The following DRC11 variants were observed in gnomAD, a reference collection of about 807,000 sequenced individuals.
The protein encoded by DRC11 is IQ and AAA domain-containing protein 1.
At chr2:236,391,789 A>G in the DRC11 span, among the ~76,000 whole-genome samples, 2 of 152,156 alleles carry the variant, frequency 1.3e-5, no homozygotes, top group Admixed American at 1.3e-4. This position sits in a 1 kb window ranked among gnomAD's most constrained non-coding sequence, Gnocchi z 4.5. Context: ...GGTTTATCCT[A>G]TTTATGAATC....
At chr2:236,416,737 A>ATATATATTTT in the DRC11 span, among the ~76,000 whole-genome samples, 5 of 52,178 alleles carry the variant, frequency 9.6e-5, no homozygotes, top group Non-Finnish European at 1.6e-4. Context: ...ATATATATAT[A>ATATATATTTT]TATATATATA....
At chr2:236,443,152 A>AT in the DRC11 span, among the ~76,000 whole-genome samples, 1 of 152,208 alleles carries the variant, frequency 6.6e-6, no homozygotes, top group Non-Finnish European at 1.5e-5. This position sits in a 1 kb window ranked among gnomAD's most constrained non-coding sequence, Gnocchi z 4.4. Context: ...CCTCAAGAAC[A>AT]TTGTCAAATA....
At chr2:236,384,713 T>C in the DRC11 span, among the ~76,000 whole-genome samples, 2 of 151,440 alleles carry the variant, frequency 1.3e-5, no homozygotes, top group Admixed American at 6.6e-5. Flanking sequence ...GCTTTTGGTG[T>C]TTTAGACATG....
At chr2:236,424,378 ATTAGT>A in the DRC11 span, among the ~76,000 whole-genome samples, 114 of 152,252 alleles carry the variant, frequency 7.5e-4, 1 homozygote, top group South Asian at 2.1e-4. Flanking sequence ...TTTATAGTTT[ATTAGT>A]TTAAATTTTT....
chr2:236,354,360 A>T, the DRC11 span, among the ~76,000 whole-genome samples: 2 of 137,216 alleles, frequency 1.5e-5, no homozygotes, highest in Non-Finnish European at 1.6e-5. Flanking sequence ...TGTGGGGGGC[A>T]GGTTGGTGCT....
chr2:236,371,571 C>T, the DRC11 span, among the ~76,000 whole-genome samples: 10 of 152,130 alleles, frequency 6.6e-5, no homozygotes, highest in African/African-American at 2.2e-4. This position sits in a 1 kb window ranked among gnomAD's most constrained non-coding sequence, Gnocchi z 5.1. Context: ...CAGCGCACAC[C>T]GCTCTTATGC....
At chr2:236,331,134 T>C in the DRC11 span, among the ~76,000 whole-genome samples, 1 of 152,200 alleles carries the variant, frequency 6.6e-6, no homozygotes, top group African/African-American at 2.4e-5. The surrounding 1 kb of genome is among the most constrained non-coding windows in gnomAD (Gnocchi z 4.8). Flanking sequence ...AATTCTGCAA[T>C]TGGGCTGTTA....
the DRC11 span, chr2:236,331,810 G>C: frequency 1.8e-6 from 1 of 553,376 alleles, no homozygotes; most frequent in Non-Finnish European, 3.2e-6. This position sits in a 1 kb window ranked among gnomAD's most constrained non-coding sequence, Gnocchi z 4.8. Context: ...ATGACCCTGA[G>C]GTCTATAGAT....
the DRC11 span, among the ~76,000 whole-genome samples, chr2:236,488,449 CT>C: frequency 6.6e-6 from 1 of 152,130 alleles, no homozygotes; most frequent in South Asian, 2.1e-4. Context: ...TACTAATTAG[CT>C]CCACGATATT....
At chr2:236,409,827 G>T in the DRC11 span, among the ~76,000 whole-genome samples, 1 of 152,134 alleles carries the variant, frequency 6.6e-6, no homozygotes, top group Non-Finnish European at 1.5e-5. Context: ...AAGGGTTGCT[G>T]AATTTTGTCA....
chr2:236,469,109 G>T, the DRC11 span, among the ~76,000 whole-genome samples: 1 of 152,200 alleles, frequency 6.6e-6, no homozygotes, highest in East Asian at 1.9e-4. This position sits in a 1 kb window ranked among gnomAD's most constrained non-coding sequence, Gnocchi z 5.8. Context: ...AGCTGTCATT[G>T]GATTTTCCTG....
At chr2:236,505,430 C>A in the DRC11 span, among the ~76,000 whole-genome samples, 1 of 152,140 alleles carries the variant, frequency 6.6e-6, no homozygotes, top group East Asian at 1.9e-4. Context: ...TCTTGCTCTA[C>A]GGAAGGCCTG....
chr2:236,325,396 A>C, the DRC11 span, among the ~76,000 whole-genome samples: 2 of 152,130 alleles, frequency 1.3e-5, no homozygotes, highest in Non-Finnish European at 2.9e-5. The surrounding 1 kb of genome is among the most constrained non-coding windows in gnomAD (Gnocchi z 4.4). Context: ...ATGACATTTG[A>C]ATTTTTGGTT....
chr2:236,496,126 T>C, the DRC11 span, among the ~76,000 whole-genome samples: 3 of 152,236 alleles, frequency 2.0e-5, no homozygotes, highest in Admixed American at 6.5e-5. The surrounding 1 kb of genome is among the most constrained non-coding windows in gnomAD (Gnocchi z 6.3). Context: ...AAATTGTTCA[T>C]ATTGTCACTT....
chr2:236,497,117 T>G, the DRC11 span: 1 of 1,410,938 alleles, frequency 7.1e-7, no homozygotes, highest in Non-Finnish European at 9.5e-7. The surrounding 1 kb of genome is among the most constrained non-coding windows in gnomAD (Gnocchi z 5.1). Context: ...CATATCTTAT[T>G]TATAACAAAA....
chr2:236,386,203 T>C, the DRC11 span, among the ~76,000 whole-genome samples: 9 of 150,622 alleles, frequency 6.0e-5, no homozygotes, highest in Non-Finnish European at 7.5e-5. Flanking sequence ...GATTCCCTCT[T>C]TTTCTATTGA....
the DRC11 span, among the ~76,000 whole-genome samples, chr2:236,429,247 C>G: frequency 2.6e-5 from 4 of 152,308 alleles, no homozygotes; most frequent in African/African-American, 9.6e-5. The surrounding 1 kb of genome is among the most constrained non-coding windows in gnomAD (Gnocchi z 5.9). Flanking sequence ...GATGTTGGCA[C>G]CTGCTTAGTC....
the DRC11 span, among the ~76,000 whole-genome samples, chr2:236,460,241 T>C: frequency 1.3e-5 from 2 of 152,210 alleles, no homozygotes; most frequent in African/African-American, 2.4e-5. This position sits in a 1 kb window ranked among gnomAD's most constrained non-coding sequence, Gnocchi z 4.0. Flanking sequence ...AGGACGACTC[T>C]AACTGGACTC....
chr2:236,468,609 T>C, the DRC11 span, among the ~76,000 whole-genome samples: 1 of 152,334 alleles, frequency 6.6e-6, no homozygotes, highest in East Asian at 1.9e-4. Context: ...ATTTCCTTTA[T>C]ATAATCATTA....
Sources: gnomAD v4.1 joint callset for allele counts (sites outside exome capture counted in the v4.1 genomes callset) on GRCh38, gnomAD v4.1.1 for gene constraint, Gnocchi (gnomAD v3.1) non-coding constraint, MANE v1.5 for transcripts, NCBI Gene and HGNC (gene_info 2026-07-23, HGNC 2026-07-21) for gene names.